The following SLC14A2 variants were observed in gnomAD, a reference collection of about 807,000 sequenced individuals.
SLC14A2 encodes solute carrier family 14 member 2.
Under a neutral mutation model 104.6 loss-of-function variants are expected in SLC14A2, and 91 were observed. That is an observed-to-expected ratio of 0.87 (90% CI 0.73 to 1.04). SLC14A2 has a LOEUF of 1.04. Ranked by LOEUF, SLC14A2 falls within the 50% of genes least tolerant of loss-of-function variation. The pLI is 0.00. For synonymous variants in SLC14A2, 476 were observed against 466.4 expected, an observed-to-expected ratio of 1.02 and a Z score of -0.27; for missense variants, 1,189 against 1,156.0, an observed-to-expected ratio of 1.03 and a Z score of -0.41.
chr18:45,620,287 G>A (rs1457017554), intron 1 of SLC14A2, among the ~76,000 whole-genome samples: 1 of 152,344 alleles, frequency 6.6e-6, no homozygotes, highest in Non-Finnish European at 1.5e-5. Flanking sequence ...AATGGAGAGC[G>A]CAGTGGGGAA....
intron 10 of SLC14A2, among the ~76,000 whole-genome samples, chr18:45,649,773 C>T (rs1568313894): frequency 1.3e-5 from 2 of 152,220 alleles, no homozygotes. Flanking sequence ...GATATTGTTC[C>T]TTCATTTTCT....
chr18:45,617,548 G>A (rs967651538), intron 1 of SLC14A2, among the ~76,000 whole-genome samples: 6 of 152,236 alleles, frequency 3.9e-5, no homozygotes, highest in Middle Eastern at 3.4e-3. Context: ...CCGGCACTCA[G>A]CCAGGCTCTT....
chr18:45,495,298 G>A (rs936254131), intron 2 of SLC14A2, among the ~76,000 whole-genome samples: 7 of 152,136 alleles, frequency 4.6e-5, no homozygotes, highest in African/African-American at 1.7e-4. Flanking sequence ...AGAAAAATAG[G>A]AAATAAAAAC....
At chr18:45,225,836 C>T (rs2144006572) in intron 1 of SLC14A2, among the ~76,000 whole-genome samples, 1 of 152,242 alleles carries the variant, frequency 6.6e-6, no homozygotes, top group South Asian at 2.1e-4. Flanking sequence ...TGCACACTGA[C>T]TTTGTATCCT....
chr18:45,228,627 G>A (rs897461152), intron 1 of SLC14A2, among the ~76,000 whole-genome samples: 2 of 152,138 alleles, frequency 1.3e-5, no homozygotes, highest in African/African-American at 4.8e-5. Flanking sequence ...TAGTTAGGGG[G>A]TGGAAAGACA....
At chr18:45,289,401 T>G (rs1330731614) in intron 1 of SLC14A2, among the ~76,000 whole-genome samples, 4 of 152,010 alleles carry the variant, frequency 2.6e-5, no homozygotes, top group Admixed American at 2.6e-4. Flanking sequence ...TGGAATTTAA[T>G]GAAAATCCCT....
chr18:45,682,738 T>C lies in SLC14A2; in HGVS notation c.*219T>C, dbSNP rs2046330166. On this transcript the variant is annotated 3_prime_UTR_variant, in exon 20 of 20. Coordinates refer to ENST00000255226, the MANE Select transcript of SLC14A2 (RefSeq NM_007163.4). ...TAGTTTAGACTTTATACCCTTAGCT[T>C]TCCCATAAGAGCTCCCTTTGTGGGG... 3 of 511,810 alleles carry C rather than the reference T, an allele frequency of 5.9e-6. No individual in the cohort carries two copies. The Admixed American group carries it at 9.6e-5, about 16-fold the overall frequency. 31.7% of individuals were successfully genotyped at this position (511,810 alleles called of 1,614,324 possible).
intron 18 of SLC14A2, among the ~76,000 whole-genome samples, chr18:45,675,730 G>C (rs1283801008): frequency 1.7e-5 from 1 of 59,990 alleles, no homozygotes; most frequent in African/African-American, 9.0e-5. Context: ...TTTTTTTTTT[G>C]GAGAGACAGG....
At chr18:45,409,486 G>T (rs1004901578) in intron 1 of SLC14A2, among the ~76,000 whole-genome samples, 2 of 151,914 alleles carry the variant, frequency 1.3e-5, no homozygotes, top group African/African-American at 2.4e-5. Context: ...CAAACCTTTT[G>T]GCATCCATAA....
At chr18:45,602,388 G>A (rs2044803706) in intron 2 of SLC14A2, among the ~76,000 whole-genome samples, 2 of 152,216 alleles carry the variant, frequency 1.3e-5, no homozygotes, top group East Asian at 3.9e-4. Context: ...GAAGGTGGAA[G>A]AAGATCTAAA....
rs532945040 is a variant in SLC14A2, at chr18:45,262,977, A to G, written c.-125+49786A>G. 8.5e-4 allele frequency among the ~76,000 whole-genome samples: 130 copies of G among 152,366 alleles called. 1 individual carries two copies. Among genetic ancestry groups the G allele is most frequent in the Middle Eastern group, 3.4e-3 (1 of 294 alleles). On this transcript the variant is annotated intron_variant, in intron 1 of 20. Transcript: ENST00000586448. ...TTGACTGCTAACATCTTGCACACAC[A>G]TAACACAAATATCAAAACTGAGAGA...
chr18:45,595,678 G>A (rs550857472), intron 2 of SLC14A2, among the ~76,000 whole-genome samples: 7 of 152,180 alleles, frequency 4.6e-5, no homozygotes, highest in Non-Finnish European at 8.8e-5. Context: ...ATGCCAGGCA[G>A]AGCCTCTATT....
chr18:45,583,744 G>GA (rs113450666), intron 2 of SLC14A2, among the ~76,000 whole-genome samples: 32 of 148,618 alleles, frequency 2.2e-4, no homozygotes, highest in South Asian at 8.6e-4. Flanking sequence ...GCCAGCTCTT[G>GA]AAAAAAAAAC....
intron 1 of SLC14A2, among the ~76,000 whole-genome samples, chr18:45,426,207 C>T (rs1010718914): frequency 6.6e-6 from 1 of 152,252 alleles, no homozygotes; most frequent in Non-Finnish European, 1.5e-5. Flanking sequence ...AACTATCCCG[C>T]CTCTGTTTAG....
chr18:45,656,716 A>C (rs2035533), intron 10 of SLC14A2, among the ~76,000 whole-genome samples: 114,189 of 152,046 alleles, frequency 0.75, 43,804 homozygotes, highest in Non-Finnish European at 0.83. Context: ...AGGCTTTATC[A>C]TCAGGCATCA....
intron 1 of SLC14A2, among the ~76,000 whole-genome samples, chr18:45,466,963 C>CATGTGT (rs1238641479): frequency 6.6e-6 from 1 of 152,032 alleles, no homozygotes. Flanking sequence ...CTTTCAGGGA[C>CATGTGT]ATGTGTATTT....
At chr18:45,621,717 G>A (rs2045174276) in intron 1 of SLC14A2, among the ~76,000 whole-genome samples, 1 of 152,198 alleles carries the variant, frequency 6.6e-6, no homozygotes, top group Non-Finnish European at 1.5e-5. Flanking sequence ...CTAAGTTCTG[G>A]TGGGAAGATA....
chr18:45,438,644 T>G (rs761592776), intron 1 of SLC14A2, among the ~76,000 whole-genome samples: 9 of 152,180 alleles, frequency 5.9e-5, no homozygotes, highest in Non-Finnish European at 1.2e-4. Context: ...CCATTTCTAC[T>G]CAAACAAACT....
intron 2 of SLC14A2, among the ~76,000 whole-genome samples, chr18:45,599,498 T>C (rs555849869): frequency 6.6e-6 from 1 of 152,214 alleles, no homozygotes. Context: ...AGTCAGGACT[T>C]AGGAAGTGAG....
Sources: gnomAD v4.1 joint callset for allele counts (sites outside exome capture counted in the v4.1 genomes callset) on GRCh38, gnomAD v4.1.1 for gene constraint, MANE v1.5 for transcripts, NCBI Gene and HGNC (gene_info 2026-07-23, HGNC 2026-07-21) for gene names.